The following NTRK3 variants were observed in gnomAD, a reference collection of about 807,000 sequenced individuals.
NTRK3 encodes the protein neurotrophic receptor tyrosine kinase 3, also known as NT-3 growth factor receptor.
NTRK3 carries 24 observed loss-of-function variants against 91.7 expected under a neutral mutation model. That is an observed-to-expected ratio of 0.26 (90% CI 0.19 to 0.37). The LOEUF is 0.37. NTRK3 is among the 10% of genes least tolerant of loss of function. The pLI is 1.00. For synonymous variants in NTRK3, 483 were observed against 404.0 expected (o/e 1.20, Z -2.34); for missense variants, 880 against 1,068.9 (o/e 0.82, Z 2.46).
chr15:87,970,103 C>T (rs2073132186), intron 14 of NTRK3, among the ~76,000 whole-genome samples: 1 of 152,168 alleles, frequency 6.6e-6, no homozygotes, highest in African/African-American at 2.4e-5. Context: ...CTACTAGCTA[C>T]TCAGAGACAA....
intron 5 of NTRK3, among the ~76,000 whole-genome samples, chr15:88,183,026 C>G (rs946624320): frequency 3.4e-5 from 5 of 148,000 alleles, no homozygotes; most frequent in Non-Finnish European, 4.5e-5. Context: ...CCCCCCGCCC[C>G]CCGCCAGTCC....
At chr15:87,963,293 C>A (rs775142649) in intron 14 of NTRK3, among the ~76,000 whole-genome samples, 1 of 152,020 alleles carries the variant, frequency 6.6e-6, no homozygotes, top group East Asian at 1.9e-4. Context: ...TGCTGTTTTT[C>A]GTAAGAATGG....
chr15:88,028,073 T>C (rs62019243), intron 14 of NTRK3, among the ~76,000 whole-genome samples: 5 of 150,898 alleles, frequency 3.3e-5, no homozygotes, highest in Non-Finnish European at 7.4e-5. Context: ...CATTTCAAGG[T>C]AGTGGCTGGA....
intron 11 of NTRK3, 45 bp from the exon 12 acceptor site, chr15:88,127,271 C>G: frequency 1.3e-6 from 2 of 1,547,082 alleles, no homozygotes; most frequent in South Asian, 2.3e-5. Flanking sequence ...AGCTTCCCGG[C>G]TGGGGAGGCT....
At chr15:87,981,846 CGG>C (rs1567181836) in intron 14 of NTRK3, among the ~76,000 whole-genome samples, 9 of 152,228 alleles carry the variant, frequency 5.9e-5, no homozygotes, top group African/African-American at 2.2e-4. Flanking sequence ...TGTGACAAGG[CGG>C]GGATGATGAG....
At chr15:88,020,883 T>A (rs1274054709) in intron 14 of NTRK3, among the ~76,000 whole-genome samples, 1 of 152,218 alleles carries the variant, frequency 6.6e-6, no homozygotes, top group Non-Finnish European at 1.5e-5. Context: ...TATATTCTCT[T>A]CTTTAAATAA....
intron 3 of NTRK3, among the ~76,000 whole-genome samples, chr15:88,242,639 C>A (rs2052460812): frequency 6.6e-6 from 1 of 152,184 alleles, no homozygotes; most frequent in Non-Finnish European, 1.5e-5. Flanking sequence ...CAGCATGGGT[C>A]TGGCCCACAG....
intron 17 of NTRK3, among the ~76,000 whole-genome samples, chr15:87,909,272 A>C (rs2066946256): frequency 6.6e-6 from 1 of 152,078 alleles, no homozygotes; most frequent in African/African-American, 2.4e-5. Context: ...GGCTCCTGAG[A>C]AGTGAGAGGA....
At chr15:87,966,744 G>A (rs560825404) in intron 14 of NTRK3, among the ~76,000 whole-genome samples, 5 of 152,320 alleles carry the variant, frequency 3.3e-5, no homozygotes, top group Admixed American at 3.3e-4. Context: ...TGTCTAGAAG[G>A]GAGGTGGGGT....
chr15:88,185,997 C>A (rs1032944678), intron 3 of NTRK3, among the ~76,000 whole-genome samples: 11 of 152,212 alleles, frequency 7.2e-5, no homozygotes, highest in South Asian at 2.1e-4. Flanking sequence ...TCCCTGGAAG[C>A]CTTACAGCCC....
At chr15:88,210,068 A>ATG (rs2049112275) in intron 3 of NTRK3, 2 of 152,254 alleles carry the variant, frequency 1.3e-5, no homozygotes, top group Non-Finnish European at 2.9e-5. Context: ...ACCCTCTTCT[A>ATG]TGTGTCCTCA....
At chr15:87,883,252 T>A (rs1349372287) in intron 17 of NTRK3, among the ~76,000 whole-genome samples, 2 of 149,662 alleles carry the variant, frequency 1.3e-5, no homozygotes, top group Admixed American at 6.7e-5. Context: ...ACTAAATAAT[T>A]TATATTAAAT....
chr15:88,152,229 A>C (rs1221637029), intron 5 of NTRK3, among the ~76,000 whole-genome samples: 1 of 152,152 alleles, frequency 6.6e-6, no homozygotes, highest in South Asian at 2.1e-4. Context: ...TGAACCCAGG[A>C]GGTGGAAGTT....
chr15:87,867,128 G>A (rs1025111820), exon 19 of NTRK3: 2 of 225,208 alleles, frequency 8.9e-6, no homozygotes, highest in African/African-American at 2.2e-5. Flanking sequence ...TTGTCCCAGA[G>A]TCTCTTGTGC....
At chr15:87,889,155 C>A (rs2065716165) in intron 17 of NTRK3, among the ~76,000 whole-genome samples, 1 of 152,130 alleles carries the variant, frequency 6.6e-6, no homozygotes, top group Admixed American at 6.5e-5. Flanking sequence ...GATCCCTGGG[C>A]AAGTCATTTT....
At chr15:88,004,105 C>T (rs2076316442) in intron 14 of NTRK3, among the ~76,000 whole-genome samples, 1 of 152,106 alleles carries the variant, frequency 6.6e-6, no homozygotes, top group Non-Finnish European at 1.5e-5. Context: ...CCTTACCTCT[C>T]TTGTCTTTCA....
intron 14 of NTRK3, among the ~76,000 whole-genome samples, chr15:87,944,222 A>C (rs2070191472): frequency 1.3e-5 from 2 of 152,166 alleles, no homozygotes; most frequent in Non-Finnish European, 2.9e-5. Flanking sequence ...GTAACCAGGG[A>C]GCTTTGGCAG....
intron 17 of NTRK3, among the ~76,000 whole-genome samples, chr15:87,885,308 T>A (rs1056163231): frequency 2.0e-5 from 3 of 151,960 alleles, no homozygotes; most frequent in Non-Finnish European, 2.9e-5. Context: ...AGACTCAATG[T>A]TATACATATT....
intron 3 of NTRK3, among the ~76,000 whole-genome samples, chr15:88,203,875 A>G (rs1042703434): frequency 6.6e-6 from 1 of 152,206 alleles, no homozygotes; most frequent in Non-Finnish European, 1.5e-5. Context: ...TAATTTTTTT[A>G]AATGTTACTT....
Sources: gnomAD v4.1 joint callset for allele counts (sites outside exome capture counted in the v4.1 genomes callset) on GRCh38, gnomAD v4.1.1 for gene constraint, MANE v1.5 for transcripts, NCBI Gene and HGNC (gene_info 2026-07-23, HGNC 2026-07-21) for gene names.